OSBPL1A: variants seen among roughly 807,000 people sequenced by gnomAD.
OSBPL1A encodes the protein oxysterol binding protein like 1A.
A neutral mutation model predicts 137.1 loss-of-function variants in OSBPL1A; 80 were observed. The ratio of observed to expected loss-of-function variants is 0.58; its 90% CI spans 0.49 to 0.70. OSBPL1A has a LOEUF of 0.70. Among genes scored for constraint, OSBPL1A ranks in the 30% least tolerant of loss-of-function variants. The pLI, the probability that OSBPL1A is intolerant of heterozygous loss-of-function variation, is 0.00. For missense variants in OSBPL1A, 970 were observed against 1,129.4 expected (o/e 0.86, Z 2.02); for synonymous variants, 365 against 389.7 (o/e 0.94, Z 0.75).
At chr18:24,179,349 G>A in intron 20 of OSBPL1A, 1 of 164,148 alleles carries the variant, frequency 6.1e-6, no homozygotes, top group South Asian at 1.6e-4. Context: ...TAAATGACGA[G>A]TTAATGGGTG....
chr18:24,366,692 T>C lies in OSBPL1A; in HGVS notation c.282+200A>G, dbSNP rs1279555823. 9 of 422,024 alleles carry C rather than the reference T, an allele frequency of 2.1e-5. No homozygotes were observed. In the East Asian group the frequency reaches 3.2e-4, roughly 15 times the overall value. 26.1% of individuals were successfully genotyped at this position (422,024 alleles called of 1,614,324 possible). A position where few individuals can be genotyped will look rare whatever the true frequency, so the allele number is the denominator to read the frequency against. On this transcript the variant is annotated intron_variant, in intron 4 of 27. Transcript: ENST00000319481. ...ATCTCCTCACAGGGATGCTACAGAG[T>C]GGGGGTCTCCATGACCTTAGTACTG... is the stretch of plus-strand genomic sequence containing the variant.
intron 13 of OSBPL1A, among the ~76,000 whole-genome samples, chr18:24,306,432 A>G (rs2090502385): frequency 6.6e-6 from 1 of 152,218 alleles, no homozygotes; most frequent in Non-Finnish European, 1.5e-5. Context: ...CAGAAAATCC[A>G]CATTTGGTTA....
At chr18:24,216,509 G>A (rs927451822) in intron 17 of OSBPL1A, among the ~76,000 whole-genome samples, 1 of 152,036 alleles carries the variant, frequency 6.6e-6, no homozygotes. Context: ...TGTGTCTCCA[G>A]AAGAAAAAAG....
Position 24,397,719 on chromosome 18 carries a change from G to C in OSBPL1A, c.-67C>G, listed in dbSNP as rs1907861498. The stretch of plus-strand genomic sequence containing the variant: ...GGCCACGACCCCAGGCTTCCCGTCC[G>C]CCCGCCCCACGTCGAGGAAGTGGTC... On this transcript the variant is annotated 5_prime_UTR_variant, in exon 1 of 28. Coordinates refer to ENST00000319481, the MANE Select transcript of OSBPL1A (RefSeq NM_080597.4). 1 of 152,312 alleles carries C rather than the reference G, an allele frequency of 6.6e-6. No homozygotes were observed. Among genetic ancestry groups the C allele is most frequent in the Non-Finnish European group, 1.5e-5 (1 of 68,136 alleles). The allele number at this position is 152,312 out of a possible 1,614,324, so 9.4% of individuals were successfully genotyped here. A position where few individuals can be genotyped will look rare whatever the true frequency, so the allele number is the denominator to read the frequency against.
chr18:24,383,828 A>G (rs995599239), intron 1 of OSBPL1A, among the ~76,000 whole-genome samples: 1 of 152,258 alleles, frequency 6.6e-6, no homozygotes, highest in African/African-American at 2.4e-5. Context: ...ATAGTTACTC[A>G]TAAATGCTGG....
At chr18:24,200,408 C>T (rs2087183688) in intron 17 of OSBPL1A, among the ~76,000 whole-genome samples, 2 of 151,738 alleles carry the variant, frequency 1.3e-5, no homozygotes, top group South Asian at 2.1e-4. Context: ...CTAAAAAATA[C>T]AAAAATTAGC....
At chr18:24,195,777 A>T (rs1183037143) in intron 18 of OSBPL1A, among the ~76,000 whole-genome samples, 1 of 152,216 alleles carries the variant, frequency 6.6e-6, no homozygotes, top group Non-Finnish European at 1.5e-5. Context: ...TGCTCTGTGC[A>T]CAGAAGTGTA....
At chr18:24,207,425 T>G (rs992225856) in intron 17 of OSBPL1A, among the ~76,000 whole-genome samples, 1 of 152,254 alleles carries the variant, frequency 6.6e-6, no homozygotes, top group Admixed American at 6.5e-5. Flanking sequence ...CCAACTTATT[T>G]AACACACATT....
At chr18:24,277,292 AAAAAG>A (rs1030550947) in intron 15 of OSBPL1A, among the ~76,000 whole-genome samples, 2 of 152,098 alleles carry the variant, frequency 1.3e-5, no homozygotes, top group Non-Finnish European at 2.9e-5. Flanking sequence ...CTTGTAAAAA[AAAAAG>A]AAAAGAAATA....
Position 24,341,551 on chromosome 18 carries a change from A to C in OSBPL1A, c.390T>G (p.Leu130=), listed in dbSNP as rs1279642049. ...VTHAEEIRSM[L]EAVERTQQRK... is the part of the protein sequence containing the mutation. ...GTTCACATCCATGATATTTACCTTC[A>C]AGCATGCTTCTGATTTCTTCAGCAT... Residue 130 remains leucine, a synonymous_variant, in exon 5 of 28, where the codon CTT becomes CTG. Transcript: ENST00000319481. 6.2e-7 allele frequency: 1 copy of C among 1,609,058 alleles called. No homozygotes were observed. The highest frequency in any genetic ancestry group is 2.2e-5 in the East Asian group (1 of 44,766).
chr18:24,221,615 G>T (rs1004556424), intron 17 of OSBPL1A, among the ~76,000 whole-genome samples: 4 of 151,896 alleles, frequency 2.6e-5, no homozygotes, highest in Non-Finnish European at 2.9e-5. Flanking sequence ...TCTAGAATTC[G>T]TATTTACATT....
intron 14 of OSBPL1A, among the ~76,000 whole-genome samples, chr18:24,287,931 G>C (rs1226845617): frequency 6.6e-6 from 1 of 152,202 alleles, no homozygotes; most frequent in African/African-American, 2.4e-5. Context: ...ACCAAAGACA[G>C]AAGCTCACTC....
intron 1 of OSBPL1A, among the ~76,000 whole-genome samples, chr18:24,377,738 C>T (rs1906296105): frequency 1.3e-5 from 2 of 152,206 alleles, no homozygotes; most frequent in African/African-American, 2.4e-5. Flanking sequence ...GTACAGGAGA[C>T]ACTTGGGCAA....
intron 16 of OSBPL1A, among the ~76,000 whole-genome samples, chr18:24,234,145 A>G (rs2088368418): frequency 6.6e-6 from 1 of 152,216 alleles, no homozygotes; most frequent in Non-Finnish European, 1.5e-5. Flanking sequence ...ATGAATATAT[A>G]TGAAGAACCA....
At chr18:24,165,271 T>A (rs2086121255) in intron 26 of OSBPL1A, 116 bp from the exon 27 acceptor site, 16 of 932,948 alleles carry the variant, frequency 1.7e-5, no homozygotes, top group Non-Finnish European at 2.6e-5. Flanking sequence ...TCCCTTTTAT[T>A]AGAACACAAA....
rs570518923 is a variant in OSBPL1A, at chr18:24,212,234, AT to A, written c.1601+12807del. Among the ~76,000 whole-genome samples the A allele has an allele frequency of 3.9e-3, 563 of 145,440 alleles. 14 individuals carry two copies. In the East Asian group the frequency reaches 0.062, roughly 16 times the overall value. ...AGGCGCACACCACCACACCTGGCTAATTTTTTTTTTTTTAATTTTAGTAGAA... is the reference window on the plus strand; with the variant it reads ...AGGCGCACACCACCACACCTGGCTAATTTTTTTTTTTTAATTTTAGTAGAA... On this transcript the variant is annotated intron_variant, in intron 17 of 27. Coordinates refer to ENST00000319481, the MANE Select transcript of OSBPL1A (RefSeq NM_080597.4).
At chr18:24,367,228 T>TTATATATA (rs35876308) in intron 3 of OSBPL1A, among the ~76,000 whole-genome samples, 2 of 147,170 alleles carry the variant, frequency 1.4e-5, no homozygotes, top group Admixed American at 6.8e-5. Flanking sequence ...AGACTCCATC[T>TTATATATA]TATATATATA....
chr18:24,239,430 A>G (rs2088611105), intron 15 of OSBPL1A, 48 bp from the exon 16 acceptor site: 1 of 1,522,938 alleles, frequency 6.6e-7, no homozygotes, highest in African/African-American at 1.4e-5. Context: ...GACAGGAGAC[A>G]CAGACGTACT....
chr18:24,281,159 C>T (rs1045624161), intron 14 of OSBPL1A, among the ~76,000 whole-genome samples: 1 of 150,916 alleles, frequency 6.6e-6, no homozygotes, highest in Admixed American at 6.6e-5. Context: ...AATCTTGGCT[C>T]ACTGCAACCT....
Sources: allele counts gnomAD v4.1 joint callset (sites outside exome capture counted in the v4.1 genomes callset), GRCh38; gene constraint gnomAD v4.1.1; transcripts MANE v1.5; gene names NCBI Gene and HGNC (gene_info 2026-07-23, HGNC 2026-07-21).